The following DGKH variants were observed in gnomAD, a reference collection of about 807,000 sequenced individuals.
DGKH encodes the protein DAG kinase eta.
A neutral mutation model predicts 159.3 loss-of-function variants in DGKH; 90 were observed. The observed-to-expected ratio is 0.57, with a 90% CI of 0.48 to 0.67. The LOEUF is 0.67. DGKH is among the 30% of genes least tolerant of loss of function. The pLI is 0.00. For synonymous variants in DGKH, 536 were observed against 553.8 expected (o/e 0.97, Z 0.45); for missense variants, 1,181 against 1,506.1 (o/e 0.78, Z 3.57).
chr13:42,248,074 C>T (rs111273907), intron 29 of DGKH, among the ~76,000 whole-genome samples: 7 of 152,286 alleles, frequency 4.6e-5, no homozygotes, highest in South Asian at 2.1e-4. Context: ...CATTCACTCG[C>T]CATTCACTCA....
chr13:42,132,194 T>G (rs911775264), intron 3 of DGKH, among the ~76,000 whole-genome samples: 5 of 152,240 alleles, frequency 3.3e-5, no homozygotes, highest in Admixed American at 1.3e-4. Context: ...CATAGTGATG[T>G]TTCGATATAT....
At chr13:42,134,003 C>T (rs1467077222) in intron 3 of DGKH, among the ~76,000 whole-genome samples, 1 of 152,126 alleles carries the variant, frequency 6.6e-6, no homozygotes, top group African/African-American at 2.4e-5. Context: ...CAGGAATGGC[C>T]AAATTCGACT....
downstream of DGKH, among the ~76,000 whole-genome samples, chr13:42,247,859 GC>G (rs1415867347): frequency 1.6e-5 from 2 of 125,410 alleles, no homozygotes; most frequent in Non-Finnish European, 3.5e-5. Flanking sequence ...TAAAGAAAAA[GC>G]TTTTGTATAA....
At chr13:42,056,603 A>T (rs1053247536) in intron 1 of DGKH, among the ~76,000 whole-genome samples, 3 of 152,262 alleles carry the variant, frequency 2.0e-5, no homozygotes, top group Non-Finnish European at 4.4e-5. Flanking sequence ...TCTGCTGAGT[A>T]ACGGACAAAG....
intron 1 of DGKH, among the ~76,000 whole-genome samples, chr13:42,095,413 T>C (rs1468538429): frequency 1.3e-5 from 2 of 152,150 alleles, no homozygotes; most frequent in African/African-American, 2.4e-5. Context: ...TCCCCCTGCC[T>C]CAGCCTCTCC....
At chr13:42,205,922 A>G in intron 20 of DGKH, 117 bp from the exon 21 acceptor site, 2 of 489,838 alleles carry the variant, frequency 4.1e-6, no homozygotes, top group Non-Finnish European at 3.3e-6. Flanking sequence ...GAGAGCAGAC[A>G]TTACGAACAC....
In DGKH at chr13:42,194,325, G is replaced by T. The variant is rs1243218907; in HGVS notation, c.2036-560G>T. Among the ~76,000 whole-genome samples the T allele has an allele frequency of 7.2e-5, 11 of 152,188 alleles. 1 individual carries two copies. In the South Asian group the frequency reaches 2.3e-3, roughly 32 times the overall value. ...TGGCTAACATTTTTATAGAGGCAGGGTCTCGCTGTGTTGCCCAGTCTGGTC... is the reference window on the plus strand; with the variant it reads ...TGGCTAACATTTTTATAGAGGCAGGTTCTCGCTGTGTTGCCCAGTCTGGTC... On this transcript the variant is annotated intron_variant, in intron 16 of 29. Coordinates refer to ENST00000337343, the MANE Select transcript of DGKH (RefSeq NM_178009.5).
Position 42,166,507 on chromosome 13 carries a change from T to A in DGKH, c.959-8T>A, listed in dbSNP as rs1956319095. On this transcript the variant is annotated splice_region_variant and splice_polypyrimidine_tract_variant and intron_variant, in intron 8 of 29. Coordinates refer to ENST00000337343, the MANE Select transcript of DGKH (RefSeq NM_178009.5). ...ATGTATTGATCTTGTGTTGTGTTTT[T>A]TTCACAGGTTTCTGTAGAGCAACAT... 1.3e-6 allele frequency: 2 copies of A among 1,503,416 alleles called. No homozygotes were observed. Among genetic ancestry groups the A allele is most frequent in the East Asian group, 4.9e-5 (2 of 40,574 alleles). The allele number at this position is 1,503,416 out of a possible 1,614,324, so 93.1% of individuals were successfully genotyped here.
intron 7 of DGKH, among the ~76,000 whole-genome samples, chr13:42,161,472 C>A (rs1956177717): frequency 1.3e-5 from 2 of 150,830 alleles, no homozygotes; most frequent in South Asian, 4.2e-4. Context: ...CACAGTGAAA[C>A]CCCATCTCTA....
In DGKH at chr13:42,193,634, A is replaced by G. The variant is rs568445819; in HGVS notation, c.2036-1251A>G. Among the ~76,000 whole-genome samples, 24 of 152,324 alleles carry G rather than the reference A, an allele frequency of 1.6e-4. 1 individual carries two copies. In the South Asian group the frequency reaches 5.0e-3, roughly 32 times the overall value. ...TTGTAATGGAACATCAGTCTTAGTC[A>G]TTAGTACGCTCTCTGCTTTTTGTCA... On this transcript the variant is annotated intron_variant, in intron 16 of 29. Coordinates refer to ENST00000337343, the MANE Select transcript of DGKH (RefSeq NM_178009.5).
intron 1 of DGKH, among the ~76,000 whole-genome samples, chr13:42,077,564 C>T (rs1358307233): frequency 1.3e-5 from 2 of 152,150 alleles, no homozygotes; most frequent in African/African-American, 4.8e-5. Flanking sequence ...GAATATTATC[C>T]ATCTGAAGCA....
At chr13:42,214,968 T>G (rs1234693682) in intron 25 of DGKH, among the ~76,000 whole-genome samples, 1 of 152,174 alleles carries the variant, frequency 6.6e-6, no homozygotes, top group Non-Finnish European at 1.5e-5. Context: ...CAGCGTGCAT[T>G]TTGTTAGAGA....
intron 12 of DGKH, among the ~76,000 whole-genome samples, chr13:42,177,058 A>G (rs1190702675): frequency 4.6e-5 from 7 of 152,164 alleles, no homozygotes; most frequent in Admixed American, 2.0e-4. Flanking sequence ...TTTTTTATTG[A>G]ATTATACATA....
chr13:42,055,798 A>G (rs1881714607), intron 1 of DGKH, among the ~76,000 whole-genome samples: 1 of 152,208 alleles, frequency 6.6e-6, no homozygotes, highest in African/African-American at 2.4e-5. Flanking sequence ...TCCCTTGGCA[A>G]ATTTGTTTGG....
At chr13:42,068,515 A>T (rs556877892) in intron 1 of DGKH, among the ~76,000 whole-genome samples, 1 of 152,316 alleles carries the variant, frequency 6.6e-6, no homozygotes, top group African/African-American at 2.4e-5. Flanking sequence ...TGTTTTACGA[A>T]ATGTGTACAG....
At chr13:42,099,011 A>C (rs1414804966) in intron 1 of DGKH, among the ~76,000 whole-genome samples, 1 of 152,234 alleles carries the variant, frequency 6.6e-6, no homozygotes, top group Admixed American at 6.5e-5. Context: ...AGAAGGTCAG[A>C]GAGAGAGAAA....
At chr13:42,163,705 GGTT>G (rs1277907130) in intron 7 of DGKH, among the ~76,000 whole-genome samples, 2 of 151,912 alleles carry the variant, frequency 1.3e-5, no homozygotes, top group African/African-American at 4.8e-5. Context: ...TTTTTGATGG[GGTT>G]GTTTGTTTTT....
intron 1 of DGKH, among the ~76,000 whole-genome samples, chr13:42,078,722 CTAAT>C: frequency 6.6e-6 from 1 of 152,120 alleles, no homozygotes; most frequent in African/African-American, 2.4e-5. Flanking sequence ...AGAAATAACT[CTAAT>C]TAACATTAGG....
At chr13:42,134,010 G>T (rs1270735707) in intron 3 of DGKH, among the ~76,000 whole-genome samples, 2 of 152,152 alleles carry the variant, frequency 1.3e-5, no homozygotes, top group African/African-American at 4.8e-5. Flanking sequence ...GGCCAAATTC[G>T]ACTTCATTTC....
Sources: gnomAD v4.1 joint callset for allele counts (sites outside exome capture counted in the v4.1 genomes callset) on GRCh38, gnomAD v4.1.1 for gene constraint, MANE v1.5 for transcripts, NCBI Gene and HGNC (gene_info 2026-07-23, HGNC 2026-07-21) for gene names.